The following GPC5 variants were observed in gnomAD, a reference collection of about 807,000 sequenced individuals.
The protein encoded by GPC5 is glypican 5.
GPC5 carries 47 observed loss-of-function variants against 53.9 expected under a neutral mutation model. The observed-to-expected ratio is 0.87, with a 90% CI of 0.69 to 1.11. The LOEUF is 1.11. GPC5 is among the 50% of genes most tolerant of loss of function. The pLI, the probability that GPC5 is intolerant of heterozygous loss-of-function variation, is 0.00. For synonymous variants in GPC5, 286 were observed against 263.3 expected (o/e 1.09, Z -0.84); for missense variants, 748 against 713.1 (o/e 1.05, Z -0.56).
At chr13:92,655,591 T>C (rs1886106889) in intron 7 of GPC5, among the ~76,000 whole-genome samples, 1 of 152,196 alleles carries the variant, frequency 6.6e-6, no homozygotes, top group African/African-American at 2.4e-5. Flanking sequence ...CTCCCCGCCC[T>C]TGGCCTCCCA....
chr13:92,052,421 C>T (rs551474840), intron 6 of GPC5, among the ~76,000 whole-genome samples: 53 of 152,292 alleles, frequency 3.5e-4, no homozygotes, highest in South Asian at 1.5e-3. Flanking sequence ...GTGTCCACAG[C>T]GTGGAAGGGA....
chr13:91,777,260 T>C (rs9301750), intron 5 of GPC5, among the ~76,000 whole-genome samples: 55,623 of 152,148 alleles, frequency 0.37, 11,871 homozygotes, highest in South Asian at 0.65. Flanking sequence ...AAATTGTTGC[T>C]TATATCCTTT....
intron 7 of GPC5, among the ~76,000 whole-genome samples, chr13:92,592,951 T>C (rs1207372824): frequency 1.3e-5 from 2 of 151,032 alleles, no homozygotes; most frequent in African/African-American, 4.9e-5. Flanking sequence ...GTTGAGATAC[T>C]TTCACTACAG....
chr13:92,656,072 AAAAG>A (rs1299986320), intron 7 of GPC5, among the ~76,000 whole-genome samples: 1 of 152,210 alleles, frequency 6.6e-6, no homozygotes, highest in Non-Finnish European at 1.5e-5. Context: ...TACAGAAAAA[AAAAG>A]AGTTATATCA....
intron 7 of GPC5, among the ~76,000 whole-genome samples, chr13:92,552,186 A>G (rs528861646): frequency 1.3e-5 from 2 of 151,924 alleles, no homozygotes; most frequent in Non-Finnish European, 2.9e-5. Context: ...GAGAATAATG[A>G]CTATCAAAAA....
chr13:92,426,785 AGTG>A (rs1197993190), intron 7 of GPC5, among the ~76,000 whole-genome samples: 1 of 152,082 alleles, frequency 6.6e-6, no homozygotes, highest in Non-Finnish European at 1.5e-5. Context: ...GAGGGCAAAA[AGTG>A]GTAAAAATTA....
At position 91,485,379 on chromosome 13, in the gene GPC5, A is replaced by AT. The variant is rs953364155; in HGVS notation, c.325+36465dup. 9.9e-5 allele frequency among the ~76,000 whole-genome samples: 15 copies of AT among 151,730 alleles called. No individual in the cohort carries two copies. In the East Asian group the frequency reaches 1.4e-3, roughly 14 times the overall value. On this transcript the variant is annotated intron_variant, in intron 2 of 7. Transcript: ENST00000377067. ...AGGTGCATACCACCATGCCCAGCTA[A>AT]TTTTTTTTGTATTTTTTAAGTAGAA... is the stretch of plus-strand genomic sequence containing the variant.
intron 2 of GPC5, among the ~76,000 whole-genome samples, chr13:91,579,348 T>C (rs2032260583): frequency 6.6e-6 from 1 of 152,182 alleles, no homozygotes; most frequent in Admixed American, 6.5e-5. Flanking sequence ...TATGTCCTTA[T>C]TCTTTCGGAC....
At chr13:92,654,465 AG>A (rs1886060317) in intron 7 of GPC5, among the ~76,000 whole-genome samples, 1 of 152,152 alleles carries the variant, frequency 6.6e-6, no homozygotes, top group Non-Finnish European at 1.5e-5. Context: ...AGGCTTAACT[AG>A]GAGACTGCCT....
At chr13:92,402,510 T>C (rs548096228) in intron 7 of GPC5, among the ~76,000 whole-genome samples, 1 of 152,280 alleles carries the variant, frequency 6.6e-6, no homozygotes, top group South Asian at 2.1e-4. Context: ...TTGATCCCTT[T>C]TGCACCTTAG....
chr13:91,916,761 T>C (rs971397954), intron 6 of GPC5, among the ~76,000 whole-genome samples: 1 of 152,040 alleles, frequency 6.6e-6, no homozygotes, highest in Admixed American at 6.6e-5. Flanking sequence ...GGAGAGAGAA[T>C]GAGTGCAAGC....
chr13:92,815,102 A>G (rs1877423301), intron 7 of GPC5, among the ~76,000 whole-genome samples: 1 of 152,002 alleles, frequency 6.6e-6, no homozygotes, highest in Admixed American at 6.6e-5. Context: ...AAAATTAATA[A>G]TGTTTCCCTC....
At chr13:92,059,293 C>A (rs1024961271) in intron 6 of GPC5, among the ~76,000 whole-genome samples, 1 of 152,026 alleles carries the variant, frequency 6.6e-6, no homozygotes, top group African/African-American at 2.4e-5. Context: ...CAAAATTTCT[C>A]AAACAAATTT....
intron 6 of GPC5, among the ~76,000 whole-genome samples, chr13:91,962,159 AGT>A (rs2040132263): frequency 6.6e-6 from 1 of 152,088 alleles, no homozygotes; most frequent in African/African-American, 2.4e-5. Context: ...TTTTCCTAAG[AGT>A]GTTTTCTATG....
chr13:92,385,443 TACATATATACATATATAC>T lies in GPC5; in HGVS notation c.1561+240474_1561+240491del, dbSNP rs1566567499. On this transcript the variant is annotated intron_variant, in intron 7 of 7. Transcript: ENST00000377067. ...ATACATATATACATATATACATATA[TACATATATACATATATAC>T]ACATATATACATATATACATATATA... Among the ~76,000 whole-genome samples, 842 of 111,700 alleles carry T rather than the reference TACATATATACATATATAC, an allele frequency of 7.5e-3. 40 individuals are homozygous for T. Among genetic ancestry groups the T allele is most frequent in the African/African-American group, 0.024 (688 of 28,472 alleles). The allele number at this position is 111,700 out of a possible 152,430, so 73.3% of individuals were successfully genotyped here. A position where few individuals can be genotyped will look rare whatever the true frequency, so the allele number is the denominator to read the frequency against.
intron 5 of GPC5, among the ~76,000 whole-genome samples, chr13:91,832,462 C>T (rs893773277): frequency 6.6e-6 from 1 of 151,834 alleles, no homozygotes; most frequent in Non-Finnish European, 1.5e-5. Context: ...TTAATTGGGG[C>T]ATTTAGCCCA....
intron 5 of GPC5, among the ~76,000 whole-genome samples, chr13:91,843,594 A>T (rs2038814313): frequency 6.6e-6 from 1 of 152,206 alleles, no homozygotes; most frequent in African/African-American, 2.4e-5. Flanking sequence ...CAACTGAGAA[A>T]TTACTTATAG....
chr13:91,867,743 G>T (rs2039100357), intron 5 of GPC5, among the ~76,000 whole-genome samples: 1 of 152,188 alleles, frequency 6.6e-6, no homozygotes, highest in Non-Finnish European at 1.5e-5. Context: ...AGAAGTTTAA[G>T]TAAGTTATCT....
intron 7 of GPC5, among the ~76,000 whole-genome samples, chr13:92,385,711 A>ATG: frequency 2.1e-5 from 3 of 140,154 alleles, no homozygotes; most frequent in African/African-American, 8.3e-5. Context: ...ACATATATAC[A>ATG]CATATATACA....
Sources: gnomAD v4.1 joint callset for allele counts (sites outside exome capture counted in the v4.1 genomes callset) on GRCh38, gnomAD v4.1.1 for gene constraint, MANE v1.5 for transcripts, NCBI Gene and HGNC (gene_info 2026-07-23, HGNC 2026-07-21) for gene names.